The following NHEJ1 variants were observed in gnomAD, a reference collection of about 807,000 sequenced individuals.
NHEJ1 encodes the protein non-homologous end joining factor 1.
A neutral mutation model predicts 39.4 loss-of-function variants in NHEJ1; 22 were observed. That is an observed-to-expected ratio of 0.56 (90% CI 0.40 to 0.80). The LOEUF (loss-of-function observed/expected upper bound fraction) is 0.80. NHEJ1 is among the 30% of genes least tolerant of loss of function. The pLI, the probability that NHEJ1 is intolerant of heterozygous loss-of-function variation, is 0.00. For synonymous variants in NHEJ1, 154 were observed against 135.6 expected, an observed-to-expected ratio of 1.14 and a Z score of -0.94; for missense variants, 329 against 357.1, an observed-to-expected ratio of 0.92 and a Z score of 0.63.
In NHEJ1 at chr2:219,073,891, G is replaced by A. The variant is rs1403332243; in HGVS notation, c.*2490C>T. Among the ~76,000 whole-genome samples the A allele has an allele frequency of 3.3e-5, 5 of 152,346 alleles. No individual in the cohort carries two copies. In the East Asian group the frequency reaches 9.6e-4, roughly 29 times the overall value. ...CGACCCTTTTATGTGCATGTAGAGTGGGGGTTGGGCCAGGCTGGGGGCCTC... is the reference window on the plus strand; with the variant it reads ...CGACCCTTTTATGTGCATGTAGAGTAGGGGTTGGGCCAGGCTGGGGGCCTC... On this transcript the variant is annotated 3_prime_UTR_variant, in exon 8 of 8. Transcript: ENST00000356853.
intron 1 of NHEJ1, among the ~76,000 whole-genome samples, chr2:219,160,319 A>T (rs1321483583): frequency 6.6e-6 from 1 of 152,102 alleles, no homozygotes; most frequent in Non-Finnish European, 1.5e-5. Context: ...CGCGAACCCT[A>T]GGTCCCACCA....
intron 5 of NHEJ1, among the ~76,000 whole-genome samples, chr2:219,092,437 T>C (rs1052186928): frequency 1.3e-5 from 2 of 152,230 alleles, no homozygotes; most frequent in African/African-American, 4.8e-5. Flanking sequence ...ATGAGTCTAA[T>C]AACCATAATT....
chr2:219,137,784 A>G (rs189900931), intron 5 of NHEJ1, among the ~76,000 whole-genome samples: 1 of 152,254 alleles, frequency 6.6e-6, no homozygotes, highest in African/African-American at 2.4e-5. Flanking sequence ...ATAGTTTTCA[A>G]TCAAAGCCTA....
intron 5 of NHEJ1, among the ~76,000 whole-genome samples, chr2:219,092,852 G>C (rs1174084085): frequency 3.3e-5 from 5 of 152,184 alleles, no homozygotes; most frequent in African/African-American, 1.2e-4. Flanking sequence ...AAGAGATCTT[G>C]AGATCCCAGA....
At chr2:219,139,011 T>TAG (rs897482030) in intron 5 of NHEJ1, among the ~76,000 whole-genome samples, 2 of 152,220 alleles carry the variant, frequency 1.3e-5, no homozygotes, top group African/African-American at 4.8e-5. Context: ...GAGATAGTGA[T>TAG]AGAATGTAAC....
chr2:219,144,895 G>A (rs576906437), intron 5 of NHEJ1, among the ~76,000 whole-genome samples: 4 of 152,218 alleles, frequency 2.6e-5, no homozygotes, highest in South Asian at 2.1e-4. Flanking sequence ...TAGGTTTAAC[G>A]GTCTCTCTTT....
At chr2:219,124,149 C>T (rs1478812323) in intron 5 of NHEJ1, among the ~76,000 whole-genome samples, 1 of 152,138 alleles carries the variant, frequency 6.6e-6, no homozygotes, top group African/African-American at 2.4e-5. Context: ...TGTTCACTCC[C>T]TCTACAACAG....
intron 5 of NHEJ1, among the ~76,000 whole-genome samples, chr2:219,143,600 A>G (rs60649536): frequency 0.019 from 2,932 of 152,342 alleles, 99 homozygotes; most frequent in African/African-American, 0.067. Flanking sequence ...TATAAAATAG[A>G]AAGCTGTAAC....
chr2:219,110,359 T>A (rs74355324), intron 5 of NHEJ1, among the ~76,000 whole-genome samples: 2,452 of 151,756 alleles, frequency 0.016, 69 homozygotes, highest in African/African-American at 0.056. Flanking sequence ...CTACAAAAAA[T>A]ATATATATAT....
chr2:219,151,110 A>G (rs1220357568), intron 3 of NHEJ1, among the ~76,000 whole-genome samples: 2 of 148,568 alleles, frequency 1.3e-5, no homozygotes, highest in African/African-American at 2.5e-5. Context: ...ACTAGGTGAC[A>G]GAGTGAGACC....
chr2:219,143,955 C>CT (rs1949713098), intron 5 of NHEJ1, among the ~76,000 whole-genome samples: 1 of 152,202 alleles, frequency 6.6e-6, no homozygotes. Context: ...AATCTCAGCA[C>CT]TTTGAAAGGC....
At chr2:219,155,311 TCCCAACA>T (rs1393481159) in intron 3 of NHEJ1, among the ~76,000 whole-genome samples, 2 of 152,000 alleles carry the variant, frequency 1.3e-5, no homozygotes, top group African/African-American at 4.8e-5. Flanking sequence ...CTGCTTGTAA[TCCCAACA>T]CCTTGGGAGG....
At chr2:219,101,524 T>C (rs139646694) in intron 5 of NHEJ1, among the ~76,000 whole-genome samples, 3,733 of 152,020 alleles carry the variant, frequency 0.025, 156 homozygotes, top group African/African-American at 0.085. Context: ...AATCCTCCCA[T>C]CTCAGCCTCT....
intron 5 of NHEJ1, among the ~76,000 whole-genome samples, chr2:219,121,885 T>C (rs1949474810): frequency 6.6e-6 from 1 of 152,120 alleles, no homozygotes; most frequent in Non-Finnish European, 1.5e-5. Context: ...TAATGCTAAA[T>C]ACAATAGTAG....
intron 5 of NHEJ1, among the ~76,000 whole-genome samples, chr2:219,142,092 T>C (rs1574738375): frequency 1.3e-5 from 2 of 152,314 alleles, no homozygotes; most frequent in East Asian, 3.9e-4. Context: ...TGGCTGCACT[T>C]AGGATGCTAA....
At chr2:219,106,057 G>A in intron 5 of NHEJ1, among the ~76,000 whole-genome samples, 1 of 152,168 alleles carries the variant, frequency 6.6e-6, no homozygotes, top group African/African-American at 2.4e-5. Flanking sequence ...TAAGGCACCA[G>A]CATATACTAA....
chr2:219,101,970 C>A (rs57278522), intron 5 of NHEJ1, among the ~76,000 whole-genome samples: 15 of 148,038 alleles, frequency 1.0e-4, no homozygotes, highest in Non-Finnish European at 6.0e-5. Flanking sequence ...GTGATCCGCC[C>A]GCCTCGGCTT....
At position 219,070,160 on chromosome 2, in the gene NHEJ1, A is replaced by G. The variant is rs1041949547; in HGVS notation, c.*6221T>C. Among the ~76,000 whole-genome samples, 12 of 152,172 alleles carry G rather than the reference A, an allele frequency of 7.9e-5. No homozygotes were observed. Among genetic ancestry groups the G allele is most frequent in the African/African-American group, 2.9e-4 (12 of 41,440 alleles). On this transcript the variant is annotated 3_prime_UTR_variant, in exon 8 of 8. Transcript: ENST00000356853. ...CACAGCCTCCGGAGTACCTGGGACT[A>G]CAGGCGCACATCACCACACTAATTT...
rs768115441 is a variant in NHEJ1, at chr2:219,147,718, T to C, written c.468A>G (p.Leu156=). The C allele has an allele frequency of 2.0e-5, 32 of 1,614,096 alleles. 2 individuals carry two copies. In the South Asian group the frequency reaches 3.2e-4, roughly 16 times the overall value. Residue 156 remains leucine (L), a synonymous_variant, in exon 4 of 8, where the codon TTA becomes TTG. Transcript: ENST00000356853. ...LQCQVRELAT[L]LHMKDLEIQD... ...GGATCTCTAGGTCTTTCATATGAAGTAACGTTGCTAGCTCCCTCACTTGGC... is the reference window on the plus strand; with the variant it reads ...GGATCTCTAGGTCTTTCATATGAAGCAACGTTGCTAGCTCCCTCACTTGGC...
Sources: gnomAD v4.1 joint callset for allele counts (sites outside exome capture counted in the v4.1 genomes callset) on GRCh38, gnomAD v4.1.1 for gene constraint, MANE v1.5 for transcripts, NCBI Gene and HGNC (gene_info 2026-07-23, HGNC 2026-07-21) for gene names.